THPO: variants seen among roughly 807,000 people sequenced by gnomAD.
The protein encoded by THPO is thrombopoietin.
A neutral mutation model predicts 17.0 loss-of-function variants in THPO; 12 were observed. The observed-to-expected ratio is 0.71, with a 90% CI of 0.45 to 1.14. THPO has a LOEUF of 1.14. Ranked by LOEUF, THPO falls within the 50% of genes most tolerant of loss-of-function variation. The pLI is 0.00. For synonymous variants in THPO, 188 were observed against 183.0 expected (o/e 1.03, Z -0.22); for missense variants, 365 against 427.5 (o/e 0.85, Z 1.29).
upstream of THPO, among the ~76,000 whole-genome samples, chr3:184,379,304 T>C (rs959898172): frequency 6.6e-6 from 1 of 151,672 alleles, no homozygotes; most frequent in Non-Finnish European, 1.5e-5. Context: ...GAAAGGAGGC[T>C]GGGAGTGGGC....
Position 184,372,105 on chromosome 3 carries a change from G to A in THPO, c.*408C>T. On this transcript the variant is annotated 3_prime_UTR_variant, in exon 6 of 6. Transcript: ENST00000647395. ...ACTGAGAATGATAGTAAAGGGGATG[G>A]GGGCGTTGGAAGGCCTTGAATTTGA... is the stretch of plus-strand genomic sequence containing the variant. 1 of 224,400 alleles carries A rather than the reference G, an allele frequency of 4.5e-6. No homozygotes were observed. The highest frequency in any genetic ancestry group is 7.3e-5 in the South Asian group (1 of 13,606). The allele number at this position is 224,400 out of a possible 1,614,324, so 13.9% of individuals were successfully genotyped here. A position where few individuals can be genotyped will look rare whatever the true frequency, so the allele number is the denominator to read the frequency against.
chr3:184,377,789 G>T (rs1175689084), intron 1 of THPO, among the ~76,000 whole-genome samples: 2 of 152,166 alleles, frequency 1.3e-5, no homozygotes, highest in Non-Finnish European at 2.9e-5. Flanking sequence ...AGCCCTAAGT[G>T]CAGCTCCCTC....
rs1172373395 is a variant in THPO at position 184,373,514 on chromosome 3, C to A, written c.297G>T (p.Arg99=). 4 of 1,614,120 alleles carry A rather than the reference C, an allele frequency of 2.5e-6. No homozygotes were observed. Among genetic ancestry groups the A allele is most frequent in the East Asian group, 2.2e-5 (1 of 44,868 alleles). The change falls in exon 5 of 6, where the codon CGG becomes CGT. Residue 99 remains arginine, a synonymous_variant. Transcript: ENST00000647395. The part of the protein sequence containing the change: ...TLLLEGVMAA[R]GQLGPTCLSS... Reference sequence around the variant, plus strand: ...AGAGGCAAGTGGGTCCCAGTTGTCCCCGTGCTGCCATCACTCCCTCCAGCA... The same window carrying A: ...AGAGGCAAGTGGGTCCCAGTTGTCCACGTGCTGCCATCACTCCCTCCAGCA...
chr3:184,376,307 C>G lies in THPO; in HGVS notation c.-48G>C. On this transcript the variant is annotated 5_prime_UTR_variant, in exon 2 of 6. Coordinates refer to ENST00000647395, the MANE Select transcript of THPO (RefSeq NM_000460.4). ...CGTGGCTCCCTGTTTGGGGCCTCTC[C>G]CCTGAATCCTTCCTGGGGCCATGGA... 6.2e-7 allele frequency: 1 copy of G among 1,614,220 alleles called. No homozygotes were observed. Among genetic ancestry groups the G allele is most frequent in the African/African-American group, 1.3e-5 (1 of 75,050 alleles).
intron 5 of THPO, 117 bp from the exon 6 acceptor site, chr3:184,373,295 CTT>C (rs1181601857): frequency 6.4e-7 from 1 of 1,554,942 alleles, no homozygotes; most frequent in Non-Finnish European, 8.8e-7. Context: ...AGGGAGCACT[CTT>C]AGTAGATCAG....
chr3:184,377,393 C>T (rs891715846), intron 1 of THPO, among the ~76,000 whole-genome samples: 1 of 152,208 alleles, frequency 6.6e-6, no homozygotes, highest in African/African-American at 2.4e-5. Context: ...CTTCCTGAGA[C>T]CAGCTGCCCA....
At chr3:184,375,845 T>C (rs964746884) in intron 3 of THPO, 43 bp downstream of exon 3, 2 of 1,611,758 alleles carry the variant, frequency 1.2e-6, no homozygotes, top group Non-Finnish European at 8.5e-7. Flanking sequence ...ATGGGTGTCT[T>C]ACCAGTTACG....
In THPO at chr3:184,373,094, G is replaced by C; in HGVS notation, c.481C>G (p.Arg161Gly). The C allele has an allele frequency of 6.2e-7, 1 of 1,613,912 alleles. No homozygotes were observed. Among genetic ancestry groups the C allele is most frequent in the African/African-American group, 1.3e-5 (1 of 75,032 alleles). Residue 161 changes from arginine to glycine, a missense_variant, in exon 6 of 6, where the codon CGT becomes GGT. Physicochemically the swap from Arg to Gly is moderately radical, Grantham distance 125. Transcript: ENST00000647395. ...GACCCTCCTACAAGCATCAGGAAACGCACCTTTCCTCGGAGCAGGTGTTGG... is the reference window on the plus strand; with the variant it reads ...GACCCTCCTACAAGCATCAGGAAACCCACCTTTCCTCGGAGCAGGTGTTGG... ...SFQHLLRGKV[R>G]FLMLVGGSTL...
chr3:184,378,783 G>A (rs967441218), upstream of THPO: 2 of 985,002 alleles, frequency 2.0e-6, no homozygotes, highest in Admixed American at 6.1e-5. Flanking sequence ...CTGGGGTCCA[G>A]TGGCTTAGAT....
chr3:184,377,945 G>T, intron 1 of THPO, 130 bp downstream of exon 1: 1 of 687,272 alleles, frequency 1.5e-6, no homozygotes, highest in Non-Finnish European at 1.8e-6. Flanking sequence ...TTCTGGGAAG[G>T]CTACACTCTT....
rs1714579790 is a variant in THPO, at chr3:184,378,154, G to A, written c.-225C>T. ...CAGATGGGTAGGAAGACATGTGGCG[G>A]TGGGGCACAGCCCCTCCACAGCAGC... On this transcript the variant is annotated 5_prime_UTR_variant, in exon 1 of 6. Coordinates refer to ENST00000647395, the MANE Select transcript of THPO (RefSeq NM_000460.4). The A allele has an allele frequency of 1.2e-5, 12 of 985,552 alleles. No individual in the cohort carries two copies. In the South Asian group the frequency reaches 5.6e-4, roughly 46 times the overall value. The allele number at this position is 985,552 out of a possible 1,614,324, so 61.1% of individuals were successfully genotyped here. A position where few individuals can be genotyped will look rare whatever the true frequency, so the allele number is the denominator to read the frequency against.
chr3:184,375,619 T>C lies in THPO; in HGVS notation c.142-18A>G, dbSNP rs776275933. The C allele has an allele frequency of 1.9e-6, 3 of 1,613,160 alleles. No homozygotes were observed. The highest frequency in any genetic ancestry group is 2.5e-6 in the Non-Finnish European group (3 of 1,179,426). On this transcript the variant is annotated intron_variant, in intron 3 of 5. Coordinates refer to ENST00000647395, the MANE Select transcript of THPO (RefSeq NM_000460.4). Reference sequence around the variant, plus strand: ...CACTGGCTCTGTTGAAAAAGATTGGTGGGGGGAGAAGGGAGCTGAAATAGA... The same window carrying C: ...CACTGGCTCTGTTGAAAAAGATTGGCGGGGGGAGAAGGGAGCTGAAATAGA...
chr3:184,376,488 T>A, intron 1 of THPO, 84 bp from the exon 2 acceptor site: 1 of 1,382,734 alleles, frequency 7.2e-7, no homozygotes, highest in Non-Finnish European at 9.5e-7. Context: ...TGGGGAGGGC[T>A]TGAGATGCTG....
upstream of THPO, chr3:184,378,516 G>A (rs559540893): frequency 5.5e-6 from 3 of 542,778 alleles, no homozygotes; most frequent in Admixed American, 1.3e-4. Flanking sequence ...CTTTTCCCTG[G>A]ACATCATACC....
rs762155929 is a variant in THPO, at chr3:184,375,938, G to A, written c.91C>T (p.Arg31Ter). Residue 31 changes from arginine (R) to a stop codon, truncating the protein, a stop_gained, in exon 3 of 6, where the codon CGA becomes TGA. Transcript: ENST00000647395. LOFTEE classifies it high-confidence loss of function. Reference sequence around the variant, plus strand: ...TCACGAAGCAGTTTACTGAGGACTCGGAGGTCACAAGCAGGAGGAGCCGGG... The same window carrying A: ...TCACGAAGCAGTTTACTGAGGACTCAGAGGTCACAAGCAGGAGGAGCCGGG... ...SSPAPPACDL[R>*]VLSKLLRDSH... The A allele has an allele frequency of 2.5e-6, 4 of 1,613,818 alleles. No homozygotes were observed. The highest frequency in any genetic ancestry group is 3.4e-6 in the Non-Finnish European group (4 of 1,179,932).
rs760632877 is a variant in THPO, at chr3:184,372,689, G to A, written c.886C>T (p.Pro296Ser). 3.1e-6 allele frequency: 5 copies of A among 1,613,258 alleles called. No individual in the cohort carries two copies. The highest frequency in any genetic ancestry group is 2.2e-5 in the South Asian group (2 of 91,046). The change falls in exon 6 of 6, where the codon CCA (proline) becomes TCA (serine). Residue 296 changes from proline to serine, a missense_variant. Transcript: ENST00000647395. ...TACTGTCCAGTAGGAGGATGGGTTG[G>A]GGAAGGAGAATATCCAGGCTGGAGG... ...PNLQPGYSPS[P>S]THPPTGQYTL...
chr3:184,375,022 A>T (rs183280511), intron 4 of THPO, among the ~76,000 whole-genome samples: 1 of 152,208 alleles, frequency 6.6e-6, no homozygotes, highest in Non-Finnish European at 1.5e-5. Flanking sequence ...TCCTGCCCTC[A>T]GGTGATCTGC....
At chr3:184,373,621 A>G in intron 4 of THPO, 39 bp from the exon 5 acceptor site, 3 of 1,610,530 alleles carry the variant, frequency 1.9e-6, no homozygotes, top group Non-Finnish European at 2.5e-6. Context: ...ACTGCCTCAA[A>G]GGGCACACTA....
chr3:184,373,267 C>T, intron 5 of THPO, 89 bp from the exon 6 acceptor site: 2 of 1,576,942 alleles, frequency 1.3e-6, no homozygotes, highest in Non-Finnish European at 1.7e-6. Context: ...ATGCCAGTAC[C>T]CAGGCATTGT....
Sources: gnomAD v4.1 joint callset for allele counts (sites outside exome capture counted in the v4.1 genomes callset) on GRCh38, gnomAD v4.1.1 for gene constraint, MANE v1.5 for transcripts, NCBI Gene and HGNC (gene_info 2026-07-23, HGNC 2026-07-21) for gene names.